The following DHX40 variants were observed in gnomAD, a reference collection of about 807,000 sequenced individuals.
The protein encoded by DHX40 is probable ATP-dependent RNA helicase DHX40.
In DHX40, 28 loss-of-function variants were observed where a neutral mutation model predicts 89.6. The ratio of observed to expected loss-of-function variants is 0.31; its 90% confidence interval spans 0.23 to 0.43. The LOEUF is 0.43. Ranked by LOEUF, DHX40 falls within the 20% of genes least tolerant of loss-of-function variation. The probability of loss-of-function intolerance (pLI) is 1.00; values close to 1 mark genes in which losing one functional copy is unlikely to be tolerated. For synonymous variants in DHX40, 226 were observed against 283.6 expected (o/e 0.80, Z 2.04); for missense variants, 457 against 844.0 (o/e 0.54, Z 5.68).
At chr17:59,601,423 A>C (rs777226035) in intron 14 of DHX40, among the ~76,000 whole-genome samples, 37 of 151,418 alleles carry the variant, frequency 2.4e-4, no homozygotes, top group Middle Eastern at 3.2e-3. Context: ...CTTAAAGTTC[A>C]TTAATCTTTT....
intron 12 of DHX40, among the ~76,000 whole-genome samples, chr17:59,588,689 T>G (rs1334572836): frequency 1.3e-5 from 2 of 152,208 alleles, no homozygotes; most frequent in South Asian, 2.1e-4. Context: ...ATTTAACAGA[T>G]AGATCTTTTG....
chr17:59,566,773 CCA>C lies in DHX40; in HGVS notation c.260_261del (p.Pro87GlnfsTer5). ...NTGSGKTTQL[P>X]KYLYEAGFSQ... The stretch of plus-strand genomic sequence containing the variant: ...AGGAAGTGGTAAAACAACTCAACTC[CCA>C]AAATATCTATATGAAGCAGGTGATT... On this transcript the variant is annotated frameshift_variant, in exon 2 of 18. Transcript: ENST00000251241. LOFTEE classifies it high-confidence loss of function. 1 of 1,582,246 alleles carries C rather than the reference CCA, an allele frequency of 6.3e-7. No individual in the cohort carries two copies. The highest frequency in any genetic ancestry group is 8.5e-7 in the Non-Finnish European group (1 of 1,171,488).
rs1323569442 is a variant in DHX40, at chr17:59,586,177, T to C, written c.1368T>C (p.Asn456=). ...GGTTTCCCTATTTGGATCCACCTAA[T>C]GAGAGACTTATTTTAGAAGCTCTTA... ...VIRFPYLDPP[N]ERLILEALKQ... Residue 456 remains asparagine, a synonymous_variant, in exon 11 of 18, where the codon AAT becomes AAC. Coordinates refer to ENST00000251241, the MANE Select transcript of DHX40 (RefSeq NM_024612.5). 1.9e-6 allele frequency: 3 copies of C among 1,596,554 alleles called. No homozygotes were observed. The highest frequency in any genetic ancestry group is 1.7e-5 in the Admixed American group (1 of 58,366).
At chr17:59,592,571 T>G (rs948259005) in intron 12 of DHX40, among the ~76,000 whole-genome samples, 1 of 151,020 alleles carries the variant, frequency 6.6e-6, no homozygotes, top group African/African-American at 2.4e-5. Context: ...AAACGTCATA[T>G]AAATAGAATT....
At chr17:59,600,062 G>A (rs1002055261) in intron 14 of DHX40, among the ~76,000 whole-genome samples, 8 of 152,176 alleles carry the variant, frequency 5.3e-5, no homozygotes, top group South Asian at 4.1e-4. Flanking sequence ...GACCTCAAGT[G>A]ATCCACCTGC....
chr17:59,569,520 T>C (rs2048757906), intron 2 of DHX40, among the ~76,000 whole-genome samples: 3 of 148,934 alleles, frequency 2.0e-5, no homozygotes, highest in Non-Finnish European at 3.0e-5. Context: ...TTAAAAAATA[T>C]ATTTTTTACA....
intron 17 of DHX40, 66 bp from the exon 18 acceptor site, chr17:59,606,965 TTC>T (rs369251433): frequency 7.1e-7 from 1 of 1,411,960 alleles, no homozygotes; most frequent in African/African-American, 1.4e-5. Flanking sequence ...GGGCTTCTCT[TTC>T]TCTTAACATT....
chr17:59,593,844 GC>G (rs2049114620), intron 12 of DHX40, among the ~76,000 whole-genome samples: 1 of 151,266 alleles, frequency 6.6e-6, no homozygotes. Context: ...TCTTCTGCCA[GC>G]CCAGATCTAC....
At position 59,605,676 on chromosome 17, in the gene DHX40, T is replaced by G. The variant is rs765361108; in HGVS notation, c.2200+2T>G. 1 of 1,604,976 alleles carries G rather than the reference T, an allele frequency of 6.2e-7. No homozygotes were observed. Among genetic ancestry groups the G allele is most frequent in the East Asian group, 2.3e-5 (1 of 43,114 alleles). On this transcript the variant is annotated splice_donor_variant, in intron 17 of 17. Transcript: ENST00000251241. LOFTEE classifies it high-confidence loss of function. The stretch of plus-strand genomic sequence containing the variant: ...AGGAAAATGTAAAGCAGCTAAAGGG[T>G]GAGTAAATCATTTGTTCTACTCTTA...
rs756425034 is a variant in DHX40 at position 59,566,617 on chromosome 17, G to A, written c.113-10G>A. 43 of 1,570,676 alleles carry A rather than the reference G, an allele frequency of 2.7e-5. No individual in the cohort carries two copies. The highest frequency in any genetic ancestry group is 3.2e-5 in the Non-Finnish European group (37 of 1,167,316). On this transcript the variant is annotated splice_polypyrimidine_tract_variant and intron_variant, in intron 1 of 17. Coordinates refer to ENST00000251241, the MANE Select transcript of DHX40 (RefSeq NM_024612.5). ...AGTCTTTTAATTGACTTGTTTTTCT[G>A]TTATTACAGAAGAGAAAGGATGCAC...
chr17:59,568,854 A>G (rs2048745732), intron 2 of DHX40, among the ~76,000 whole-genome samples: 1 of 149,564 alleles, frequency 6.7e-6, no homozygotes, highest in Non-Finnish European at 1.5e-5. Context: ...ATATATATAT[A>G]AATATAGATA....
chr17:59,606,218 A>G lies in DHX40; in HGVS notation c.2200+544A>G, dbSNP rs530622732. Among the ~76,000 whole-genome samples, 8 of 151,834 alleles carry G rather than the reference A, an allele frequency of 5.3e-5. No individual in the cohort carries two copies. In the East Asian group the frequency reaches 1.6e-3, roughly 30 times the overall value. On this transcript the variant is annotated intron_variant, in intron 17 of 17. Coordinates refer to ENST00000251241, the MANE Select transcript of DHX40 (RefSeq NM_024612.5). ...CACCACCACGCCTGGCTAAGTTTGT[A>G]TATCCAAGGGGCTTTTTCTATGAAA...
At chr17:59,594,547 C>A (rs73993983) in intron 12 of DHX40, among the ~76,000 whole-genome samples, 8,361 of 150,910 alleles carry the variant, frequency 0.055, 669 homozygotes, top group African/African-American at 0.18. Context: ...CACTTTGCAT[C>A]TTCCTCAGCA....
intron 12 of DHX40, among the ~76,000 whole-genome samples, chr17:59,597,948 A>C (rs1427174979): frequency 5.9e-5 from 9 of 151,608 alleles, no homozygotes; most frequent in East Asian, 1.9e-4. Flanking sequence ...AAAAAAAAAA[A>C]AAAAACCTCC....
chr17:59,602,670 T>C, intron 15 of DHX40, 54 bp downstream of exon 15: 1 of 1,399,990 alleles, frequency 7.1e-7, no homozygotes, highest in South Asian at 1.2e-5. Context: ...TATTTGACTA[T>C]AATATTGGAC....
intron 14 of DHX40, among the ~76,000 whole-genome samples, chr17:59,602,249 A>G (rs1055191046): frequency 4.6e-5 from 7 of 152,124 alleles, no homozygotes; most frequent in African/African-American, 1.7e-4. Flanking sequence ...CTTGGTCTGC[A>G]GTCTTTATCA....
Position 59,607,219 on chromosome 17 carries a change from T to C in DHX40, c.*47T>C. On this transcript the variant is annotated 3_prime_UTR_variant, in exon 18 of 18. Coordinates refer to ENST00000251241, the MANE Select transcript of DHX40 (RefSeq NM_024612.5). ...GGAAGTGGGAAAAGGAGCCAGGAAA[T>C]GTGCTTCTACTTTGCCAGTTATTTC... The C allele has an allele frequency of 6.2e-7, 1 of 1,614,114 alleles. No individual in the cohort carries two copies. The highest frequency in any genetic ancestry group is 8.5e-7 in the Non-Finnish European group (1 of 1,180,026).
Position 59,607,113 on chromosome 17 carries a change from C to T in DHX40, c.2281C>T (p.Leu761Phe), listed in dbSNP as rs1567906912. 4 of 1,614,076 alleles carry T rather than the reference C, an allele frequency of 2.5e-6. No homozygotes were observed. Among genetic ancestry groups the T allele is most frequent in the Admixed American group, 1.7e-5 (1 of 60,008 alleles). The change falls in exon 18 of 18, where the codon CTT becomes TTT. Residue 761 changes from leucine to phenylalanine, a missense_variant. Leu to Phe is a conservative substitution (Grantham distance 22). Coordinates refer to ENST00000251241, the MANE Select transcript of DHX40 (RefSeq NM_024612.5). ...CATATCTGATGCACGGGCTCGTTTC[C>T]TTGAGAGAAAGCAGCAGAGGACCCA... ...KSISDARARF[L>F]ERKQQRTQDH...
chr17:59,605,381 G>A, intron 16 of DHX40, 65 bp from the exon 17 acceptor site: 1 of 1,502,200 alleles, frequency 6.7e-7, no homozygotes, highest in South Asian at 1.2e-5. Flanking sequence ...GGACTATTTG[G>A]TTGGTTTAAT....
Sources: allele counts gnomAD v4.1 joint callset (sites outside exome capture counted in the v4.1 genomes callset), GRCh38; gene constraint gnomAD v4.1.1; transcripts MANE v1.5; gene names NCBI Gene and HGNC (gene_info 2026-07-23, HGNC 2026-07-21).